Variants in HS6ST1 observed in about 807,000 individuals in gnomAD.
The protein encoded by HS6ST1 is heparan sulfate 6-O-sulfotransferase 1.
Under a neutral mutation model 25.2 loss-of-function variants are expected in HS6ST1, and 3 were observed. The ratio of observed to expected loss-of-function variants is 0.12; its 90% CI spans 0.05 to 0.31. HS6ST1 has a LOEUF of 0.31. HS6ST1 is among the 10% of genes least tolerant of loss of function. The pLI is 1.00. For missense variants in HS6ST1, 310 were observed against 609.6 expected (o/e 0.51, Z 5.18); for synonymous variants, 204 against 275.1 (o/e 0.74, Z 2.56).
Position 128,268,581 on chromosome 2 carries a change from G to A in HS6ST1, c.817C>T (p.Arg273Trp), listed in dbSNP as rs373878308. 24 of 1,603,458 alleles carry A rather than the reference G, an allele frequency of 1.5e-5. No homozygotes were observed. The highest frequency in any genetic ancestry group is 5.1e-5 in the Admixed American group (3 of 59,150). ...GCGCTCTCGAGCAGCAGCTGGGCCC[G>A]CTTGCCCTCGGGGATGAAGGACAGG... ...YNLSFIPEGK[R>W]AQLLLESAKK... The change falls in exon 2 of 2, where the codon CGG (arginine) becomes TGG (tryptophan). Residue 273 changes from arginine to tryptophan, a missense_variant. Arg to Trp is a moderately radical substitution (Grantham distance 101). This residue lies in a region of HS6ST1 where 98 missense variants were observed against 270.3 expected (regional missense o/e 0.36). Coordinates refer to ENST00000259241, the MANE Select transcript of HS6ST1 (RefSeq NM_004807.3).
chr2:128,288,913 G>T (rs1693907545), intron 1 of HS6ST1, among the ~76,000 whole-genome samples: 1 of 152,072 alleles, frequency 6.6e-6, no homozygotes. Flanking sequence ...TGACCCCACA[G>T]CAACTCATGT....
At chr2:128,290,143 G>A (rs1693930372) in intron 1 of HS6ST1, 1 of 151,532 alleles carries the variant, frequency 6.6e-6, no homozygotes, top group African/African-American at 2.4e-5. Flanking sequence ...ACAAGCAGTG[G>A]GTCTCGGTGA....
At chr2:128,295,690 T>A (rs1166151913) in intron 1 of HS6ST1, among the ~76,000 whole-genome samples, 1 of 152,166 alleles carries the variant, frequency 6.6e-6, no homozygotes, top group Non-Finnish European at 1.5e-5. Flanking sequence ...GTGAGATTTA[T>A]CCCTAGAATG....
intron 1 of HS6ST1, among the ~76,000 whole-genome samples, chr2:128,277,188 C>T (rs535228124): frequency 6.6e-6 from 1 of 152,228 alleles, no homozygotes; most frequent in Non-Finnish European, 1.5e-5. Context: ...CAACCTGATG[C>T]GGGGGGCTGG....
At chr2:128,311,617 G>T (rs1238622778) in intron 1 of HS6ST1, among the ~76,000 whole-genome samples, 2 of 152,218 alleles carry the variant, frequency 1.3e-5, no homozygotes, top group African/African-American at 4.8e-5. Context: ...GAGGGGGTAT[G>T]CAGCCCCACA....
At chr2:128,305,420 G>A (rs555297878) in intron 1 of HS6ST1, among the ~76,000 whole-genome samples, 1 of 152,338 alleles carries the variant, frequency 6.6e-6, no homozygotes, top group South Asian at 2.1e-4. Context: ...GGACTTGCGT[G>A]AGCTAAACCA....
At position 128,318,144 on chromosome 2, in the gene HS6ST1, G is replaced by A. The variant is rs1476169430; in HGVS notation, c.420C>T (p.Arg140=). The change falls in exon 1 of 2, where the codon CGC becomes CGT. Residue 140 remains arginine (R), a synonymous_variant. Coordinates refer to ENST00000259241, the MANE Select transcript of HS6ST1 (RefSeq NM_004807.3). This position sits in a 1 kb window ranked among gnomAD's most constrained non-coding sequence, Gnocchi z 5.7. ...PNRRETWLFS[R]FSTGWSCGLH... is the part of the protein sequence containing the mutation. ...GCCCGCAGCTCCAGCCGGTGGAGAA[G>A]CGGGAGAAGAGCCAAGTCTCGCGGC... The A allele has an allele frequency of 2.6e-6, 4 of 1,530,012 alleles. No individual in the cohort carries two copies. In the African/African-American group the frequency reaches 4.1e-5, roughly 16 times the overall value. 94.8% of individuals were successfully genotyped at this position (1,530,012 alleles called of 1,614,324 possible). A position where few individuals can be genotyped will look rare whatever the true frequency, so the allele number is the denominator to read the frequency against.
At chr2:128,312,779 G>A (rs1334043709) in intron 1 of HS6ST1, among the ~76,000 whole-genome samples, 2 of 152,172 alleles carry the variant, frequency 1.3e-5, no homozygotes, top group East Asian at 1.9e-4. Context: ...ATTCACAATA[G>A]GCTGGTGCGG....
At chr2:128,283,311 G>A (rs373629471) in intron 1 of HS6ST1, among the ~76,000 whole-genome samples, 3 of 152,208 alleles carry the variant, frequency 2.0e-5, no homozygotes, top group East Asian at 1.9e-4. Context: ...GGACAGAAGG[G>A]GCCCTGGTAG....
chr2:128,312,497 G>A (rs1478404091), intron 1 of HS6ST1, among the ~76,000 whole-genome samples: 7 of 152,304 alleles, frequency 4.6e-5, no homozygotes, highest in East Asian at 1.9e-4. Context: ...TCATAGAGGC[G>A]GAATTCAGTC....
At chr2:128,317,816 G>GA (rs1383743850) in intron 1 of HS6ST1, among the ~76,000 whole-genome samples, 1 of 152,236 alleles carries the variant, frequency 6.6e-6, no homozygotes. Context: ...AGGCAAGGAA[G>GA]AGAGTGAGAG....
At chr2:128,283,046 C>T (rs991980317) in intron 1 of HS6ST1, among the ~76,000 whole-genome samples, 27 of 152,222 alleles carry the variant, frequency 1.8e-4, no homozygotes, top group African/African-American at 5.8e-4. Context: ...ACCTCTCCAG[C>T]AAATAAAAAC....
intron 1 of HS6ST1, chr2:128,289,950 T>A (rs563279636): frequency 3.9e-5 from 6 of 152,362 alleles, no homozygotes; most frequent in African/African-American, 1.4e-4. Flanking sequence ...TAGTTTAAAA[T>A]CTTCCTAAAA....
chr2:128,279,399 G>A (rs1268494302), intron 1 of HS6ST1, among the ~76,000 whole-genome samples: 2 of 139,820 alleles, frequency 1.4e-5, no homozygotes, highest in African/African-American at 5.4e-5. Flanking sequence ...GAAAGAAAAT[G>A]AATGGTTTTC....
rs554570504 is a variant in HS6ST1 at position 128,266,365 on chromosome 2, C to T, written c.*1797G>A. On this transcript the variant is annotated 3_prime_UTR_variant, in exon 2 of 2. Transcript: ENST00000259241. ...CACTAAATCCCCTTGGCACTCACTT[C>T]CTTAGTGTGATGCATCCACCCAGGG... is the stretch of plus-strand genomic sequence containing the variant. 6.6e-6 allele frequency: 1 copy of T among 152,478 alleles called. No individual in the cohort carries two copies. The highest frequency in any genetic ancestry group is 2.1e-4 in the South Asian group (1 of 4,830). The allele number at this position is 152,478 out of a possible 1,614,324, so 9.4% of individuals were successfully genotyped here.
intron 1 of HS6ST1, among the ~76,000 whole-genome samples, chr2:128,315,956 G>T (rs1373048382): frequency 1.3e-5 from 2 of 152,238 alleles, no homozygotes; most frequent in African/African-American, 4.8e-5. Flanking sequence ...GTGGCAGAGG[G>T]GGCCTCCTGA....
intron 1 of HS6ST1, among the ~76,000 whole-genome samples, chr2:128,287,608 C>T (rs1054373937): frequency 3.9e-5 from 6 of 152,218 alleles, no homozygotes; most frequent in East Asian, 3.9e-4. Context: ...CAGCTAGAGA[C>T]GCCGGGTCCA....
At chr2:128,274,412 T>C (rs1693659201) in intron 1 of HS6ST1, among the ~76,000 whole-genome samples, 1 of 152,110 alleles carries the variant, frequency 6.6e-6, no homozygotes, top group Admixed American at 6.6e-5. Context: ...AAATGACCAA[T>C]CTCATACCCA....
chr2:128,266,002 C>T lies in HS6ST1; in HGVS notation c.*2160G>A, dbSNP rs1200813935. On this transcript the variant is annotated 3_prime_UTR_variant, in exon 2 of 2. Transcript: ENST00000259241. The stretch of plus-strand genomic sequence containing the variant: ...AGCCCGGCGCTGGCCCGAGAGGAGA[C>T]TGCTTTCCAAATGCAGCGAAGAGAC... 2 of 151,648 alleles carry T rather than the reference C, an allele frequency of 1.3e-5. No homozygotes were observed. The highest frequency in any genetic ancestry group is 1.3e-4 in the Admixed American group (2 of 15,212). The allele number at this position is 151,648 out of a possible 1,614,324, so 9.4% of individuals were successfully genotyped here.
Sources: gnomAD v4.1 joint callset for allele counts (sites outside exome capture counted in the v4.1 genomes callset) on GRCh38, gnomAD v4.1.1 for gene constraint, gnomAD v4.1.1 regional missense constraint, Gnocchi (gnomAD v3.1) non-coding constraint, MANE v1.5 for transcripts, NCBI Gene and HGNC (gene_info 2026-07-23, HGNC 2026-07-21) for gene names.